Variants in SLC29A1 observed in about 807,000 individuals in gnomAD.
SLC29A1 encodes solute carrier family 29 member 1 (Augustine blood group).
SLC29A1 carries 22 observed loss-of-function variants against 48.3 expected under a neutral mutation model. The observed-to-expected ratio is 0.46, with a 90% CI of 0.33 to 0.65. The LOEUF (loss-of-function observed/expected upper bound fraction) is 0.65, where lower values mean the gene tolerates loss of function less well. SLC29A1 is among the 30% of genes least tolerant of loss of function. The probability of loss-of-function intolerance (pLI) is 0.03; values close to 1 mark genes in which losing one functional copy is unlikely to be tolerated. For synonymous variants in SLC29A1, 228 were observed against 231.0 expected (o/e 0.99, Z 0.12); for missense variants, 491 against 575.3 (o/e 0.85, Z 1.50).
upstream of SLC29A1, chr6:44,219,639 C>A: frequency 2.5e-6 from 3 of 1,200,066 alleles, no homozygotes; most frequent in Non-Finnish European, 3.3e-6. Context: ...GCGGCCCACA[C>A]CGGTCAGGCC....
At position 44,226,197 on chromosome 6, in the gene SLC29A1, G is replaced by A. The variant is rs116647533; in HGVS notation, c.-51-1066G>A. 2.1e-3 allele frequency: 1,777 copies of A among 845,594 alleles called. 25 individuals are homozygous for A. The African/African-American group carries it at 0.031, about 15-fold the overall frequency. The allele number at this position is 845,594 out of a possible 1,614,324, so 52.4% of individuals were successfully genotyped here. A position where few individuals can be genotyped will look rare whatever the true frequency, so the allele number is the denominator to read the frequency against. On this transcript the variant is annotated intron_variant, in intron 1 of 12. Coordinates refer to ENST00000371755, the MANE Select transcript of SLC29A1 (RefSeq NM_001372327.1). ...GTGCCCAGAAAGGGAGGGAAGGGAA[G>A]CTGTCCTTTCACCCCAAACAGCAAG...
chr6:44,227,620 G>A (rs753215280), intron 2 of SLC29A1, among the ~76,000 whole-genome samples: 72 of 152,174 alleles, frequency 4.7e-4, no homozygotes, highest in Non-Finnish European at 7.6e-4. Flanking sequence ...GGCTCCTCCC[G>A]CCACCACTGT....
At position 44,230,851 on chromosome 6, in the gene SLC29A1, C is replaced by T; in HGVS notation, c.728C>T (p.Pro243Leu). Residue 243 changes from proline to leucine, a missense_variant, in exon 8 of 13, where the codon CCC becomes CTC. Transcript: ENST00000371755. ...TACCAGCAGCTCAAGCTTGAAGGAC[C>T]CGGGGAGCAGGAGACCAAGTTGGAC... Reference protein sequence around the residue: ...RYYQQLKLEGPGEQETKLDLI... With the variant: ...RYYQQLKLEGLGEQETKLDLI... 6.2e-7 allele frequency: 1 copy of T among 1,614,064 alleles called. No homozygotes were observed. Among genetic ancestry groups the T allele is most frequent in the Non-Finnish European group, 8.5e-7 (1 of 1,180,006 alleles).
chr6:44,233,298 T>G, intron 12 of SLC29A1, 119 bp from the exon 13 acceptor site: 2 of 893,520 alleles, frequency 2.2e-6, no homozygotes, highest in South Asian at 1.4e-5. Flanking sequence ...CAGGATGGGT[T>G]GATCAACAGA....
At chr6:44,226,683 G>A (rs977558012) in intron 1 of SLC29A1, 1 of 949,834 alleles carries the variant, frequency 1.1e-6, no homozygotes, top group African/African-American at 1.8e-5. Context: ...GAATCCAGGG[G>A]CTCCCCAGGG....
In SLC29A1 at chr6:44,231,360, G is replaced by T. The variant is rs76056307; in HGVS notation, c.767-4G>T. 2 of 1,581,628 alleles carry T rather than the reference G, an allele frequency of 1.3e-6. No homozygotes were observed. Among genetic ancestry groups the T allele is most frequent in the East Asian group, 2.3e-5 (1 of 44,244 alleles). Reference sequence around the variant, plus strand: ...ACAACTTGGAGATTTCTTCCATCCCGCAGGAGAGGAGCCAAGAGCAGGCAA... The same window carrying T: ...ACAACTTGGAGATTTCTTCCATCCCTCAGGAGAGGAGCCAAGAGCAGGCAA... On this transcript the variant is annotated splice_polypyrimidine_tract_variant and splice_region_variant and intron_variant, in intron 8 of 12. Transcript: ENST00000371755.
At position 44,232,119 on chromosome 6, in the gene SLC29A1, C is replaced by A; in HGVS notation, c.973+13C>A. On this transcript the variant is annotated intron_variant, in intron 10 of 12. Coordinates refer to ENST00000371755, the MANE Select transcript of SLC29A1 (RefSeq NM_001372327.1). The surrounding 1 kb of genome is among the most constrained non-coding windows in gnomAD (Gnocchi z 4.7). ...AGCAGCACCTGGGGTGAGGATGCCA[C>A]AGGTTTCCAGGATGGGAACAGACAG... The A allele has an allele frequency of 6.3e-7, 1 of 1,585,728 alleles. No individual in the cohort carries two copies. The highest frequency in any genetic ancestry group is 8.7e-7 in the Non-Finnish European group (1 of 1,154,198).
rs756909033 is a variant in SLC29A1 at position 44,229,462 on chromosome 6, G to A, written c.102G>A (p.Thr34=). 93 of 1,613,782 alleles carry A rather than the reference G, an allele frequency of 5.8e-5. No individual in the cohort carries two copies. The highest frequency in any genetic ancestry group is 7.7e-5 in the South Asian group (7 of 91,074). ...GTLLPWNFFM[T]ATQYFTNRLD... is the part of the protein sequence containing the mutation. ...TGCTCCCGTGGAATTTTTTCATGAC[G>A]GCCACTCAGGTGAGGCTGGAGGGAC... The change falls in exon 3 of 13, where the codon ACG becomes ACA. Residue 34 remains threonine (T), a synonymous_variant. Transcript: ENST00000371755. The surrounding 1 kb of genome is among the most constrained non-coding windows in gnomAD (Gnocchi z 5.1).
rs752945102 is a variant in SLC29A1 at position 44,230,332 on chromosome 6, G to T, written c.455-15G>T. 1.2e-6 allele frequency: 2 copies of T among 1,606,682 alleles called. No individual in the cohort carries two copies. Among genetic ancestry groups the T allele is most frequent in the Non-Finnish European group, 1.7e-6 (2 of 1,174,664 alleles). ...AGCCCTAGCTCCCCTGCTCATGCCC[G>T]CCCTGTTTCCCCAGCATTTGGTGCC... On this transcript the variant is annotated splice_polypyrimidine_tract_variant and intron_variant, in intron 5 of 12. Transcript: ENST00000371755.
chr6:44,220,842 AAAC>A (rs1776331336), upstream of SLC29A1, among the ~76,000 whole-genome samples: 1 of 151,140 alleles, frequency 6.6e-6, no homozygotes, highest in Non-Finnish European at 1.5e-5. Context: ...AGAAAAAAAA[AAAC>A]AAACTTATTT....
rs1779380563 is a variant in SLC29A1 at position 44,233,682 on chromosome 6, G to C, written c.*154G>C. 4 of 643,230 alleles carry C rather than the reference G, an allele frequency of 6.2e-6. No homozygotes were observed. The highest frequency in any genetic ancestry group is 1.1e-5 in the Non-Finnish European group (4 of 361,192). The allele number at this position is 643,230 out of a possible 1,614,324, so 39.8% of individuals were successfully genotyped here. On this transcript the variant is annotated 3_prime_UTR_variant, in exon 13 of 13. Transcript: ENST00000371755. Reference sequence around the variant, plus strand: ...GCTGGGCCCGGATCTCCAGGCCCTGGGGAGGGAGCCTCTGGACGGACAGTG... The same window carrying C: ...GCTGGGCCCGGATCTCCAGGCCCTGCGGAGGGAGCCTCTGGACGGACAGTG...
chr6:44,226,053 G>C (rs745610224), intron 1 of SLC29A1: 2 of 964,664 alleles, frequency 2.1e-6, no homozygotes, highest in Admixed American at 1.2e-4. Context: ...TTCTGGATCC[G>C]CACCCAGGAG....
chr6:44,220,248 G>A (rs1776187988), upstream of SLC29A1, among the ~76,000 whole-genome samples: 1 of 151,798 alleles, frequency 6.6e-6, no homozygotes, highest in Non-Finnish European at 1.5e-5. Flanking sequence ...TGCGATCACA[G>A]CCTACTGCAG....
At chr6:44,226,454 T>C (rs1226776515) in intron 1 of SLC29A1, among the ~76,000 whole-genome samples, 3 of 136,206 alleles carry the variant, frequency 2.2e-5, no homozygotes. Context: ...CAGGAGCCTG[T>C]GACAGAGAGG....
In SLC29A1 at chr6:44,229,553, AAG is replaced by A. The variant is rs1017447916; in HGVS notation, c.112-32_112-31del. Reference sequence around the variant, plus strand: ...GACTCTGTGCTGGTAGGCACAGGGAAAGAGATTTCAACACTCCTCTCTGCAAC... The same window carrying A: ...GACTCTGTGCTGGTAGGCACAGGGAAAGATTTCAACACTCCTCTCTGCAAC... On this transcript the variant is annotated intron_variant, in intron 3 of 12. Coordinates refer to ENST00000371755, the MANE Select transcript of SLC29A1 (RefSeq NM_001372327.1). This position sits in a 1 kb window ranked among gnomAD's most constrained non-coding sequence, Gnocchi z 5.1. 6 of 1,610,034 alleles carry A rather than the reference AAG, an allele frequency of 3.7e-6. No homozygotes were observed. The highest frequency in any genetic ancestry group is 5.1e-6 in the Non-Finnish European group (6 of 1,176,396).
rs762701366 is a variant in SLC29A1 at position 44,229,356 on chromosome 6, C to G, written c.30-34C>G. 6.5e-7 allele frequency: 1 copy of G among 1,529,396 alleles called. No homozygotes were observed. The highest frequency in any genetic ancestry group is 9.1e-7 in the Non-Finnish European group (1 of 1,102,574). 94.7% of individuals were successfully genotyped at this position (1,529,396 alleles called of 1,614,324 possible). A position where few individuals can be genotyped will look rare whatever the true frequency, so the allele number is the denominator to read the frequency against. On this transcript the variant is annotated intron_variant, in intron 2 of 12. Coordinates refer to ENST00000371755, the MANE Select transcript of SLC29A1 (RefSeq NM_001372327.1). This position sits in a 1 kb window ranked among gnomAD's most constrained non-coding sequence, Gnocchi z 5.1. Reference sequence around the variant, plus strand: ...CATTGTGGAGTGGGGCAGGATGGTGCGTCATTTGGCCCATCTTTCCTCCTC... The same window carrying G: ...CATTGTGGAGTGGGGCAGGATGGTGGGTCATTTGGCCCATCTTTCCTCCTC...
chr6:44,223,538 G>C, upstream of SLC29A1: 1 of 1,170,712 alleles, frequency 8.5e-7, no homozygotes, highest in Non-Finnish European at 1.1e-6. The surrounding 1 kb of genome is among the most constrained non-coding windows in gnomAD (Gnocchi z 5.0). Context: ...GGCGCAGGGC[G>C]GGGCGAGCTC....
Position 44,230,537 on chromosome 6 carries a change from G to A in SLC29A1, c.590-31G>A, listed in dbSNP as rs772851263. ...CTGGTGTGGTGGGGAGAGGGGATGG[G>A]GCCTGTCTCTGATCACTGACACCAC... On this transcript the variant is annotated intron_variant, in intron 6 of 12. Transcript: ENST00000371755. 3 of 1,613,954 alleles carry A rather than the reference G, an allele frequency of 1.9e-6. No individual in the cohort carries two copies. In the South Asian group the frequency reaches 3.3e-5, roughly 18 times the overall value.
chr6:44,228,817 A>G (rs1481865795), intron 2 of SLC29A1, among the ~76,000 whole-genome samples: 1 of 152,120 alleles, frequency 6.6e-6, no homozygotes, highest in African/African-American at 2.4e-5. Flanking sequence ...TGAACTACAA[A>G]GTTCTATTTG....
Sources: gnomAD v4.1 joint callset for allele counts (sites outside exome capture counted in the v4.1 genomes callset) on GRCh38, gnomAD v4.1.1 for gene constraint, Gnocchi (gnomAD v3.1) non-coding constraint, MANE v1.5 for transcripts, NCBI Gene and HGNC (gene_info 2026-07-23, HGNC 2026-07-21) for gene names.